Variants in BOC observed in about 807,000 individuals in gnomAD.
The protein encoded by BOC is BOC cell adhesion associated, oncogene regulated, also known as brother of CDO.
Under a neutral mutation model 112.0 loss-of-function variants are expected in BOC, and 76 were observed. The ratio of observed to expected loss-of-function variants is 0.68; its 90% CI spans 0.56 to 0.82. BOC has a LOEUF of 0.82. Ranked by LOEUF, BOC falls within the 40% of genes least tolerant of loss-of-function variation. BOC has a pLI of 0.00. For synonymous variants in BOC, 580 were observed against 599.8 expected, an observed-to-expected ratio of 0.97 and a Z score of 0.48; for missense variants, 1,309 against 1,511.7, an observed-to-expected ratio of 0.87 and a Z score of 2.22.
intron 4 of BOC, among the ~76,000 whole-genome samples, chr3:113,252,845 G>C (rs1393817016): frequency 6.6e-6 from 1 of 152,154 alleles, no homozygotes; most frequent in Non-Finnish European, 1.5e-5. Context: ...TGCTCAGGGA[G>C]GGAGGCAGGC....
At chr3:113,221,794 TTTGA>T (rs1408362150) in intron 2 of BOC, among the ~76,000 whole-genome samples, 2 of 152,208 alleles carry the variant, frequency 1.3e-5, no homozygotes, top group African/African-American at 2.4e-5. Context: ...TGGCTTCCTG[TTTGA>T]TTAAGAGAAA....
At chr3:113,280,152 C>A in intron 13 of BOC, 147 bp downstream of exon 13, 1 of 850,082 alleles carries the variant, frequency 1.2e-6, no homozygotes. Context: ...TGGAGCTGCT[C>A]TAGTGGTCTC....
Position 113,270,846 on chromosome 3 carries a change from C to A in BOC, c.569C>A (p.Ala190Asp). The A allele has an allele frequency of 6.2e-7, 1 of 1,613,936 alleles. No individual in the cohort carries two copies. Among genetic ancestry groups the A allele is most frequent in the Non-Finnish European group, 8.5e-7 (1 of 1,179,876 alleles). ...MPSGNLQIVNASQEDEGMYKC... is the reference protein window; with the variant it reads ...MPSGNLQIVNDSQEDEGMYKC... ...TCAGGGAACCTCCAGATTGTGAATG[C>A]CAGCCAGGAGGACGAGGGCATGTAC... is the stretch of plus-strand genomic sequence containing the variant. Residue 190 changes from alanine to aspartate, a missense_variant, in exon 6 of 20, where the codon GCC becomes GAC. Physicochemically the swap from Ala to Asp is moderately radical, Grantham distance 126. Coordinates refer to ENST00000682979, the MANE Select transcript of BOC (RefSeq NM_001378074.1).
rs11920641 is a variant in BOC, at chr3:113,237,170, A to G, written c.-81-12552A>G. 9.6e-4 allele frequency among the ~76,000 whole-genome samples: 146 copies of G among 152,346 alleles called. 1 individual carries two copies. Among genetic ancestry groups the G allele is most frequent in the African/African-American group, 3.2e-3 (134 of 41,576 alleles). On this transcript the variant is annotated intron_variant, in intron 2 of 19. Transcript: ENST00000682979. Reference sequence around the variant, plus strand: ...ACATCAGGAAGGGTTTTGATAACATATAAAATGGAGCTAGGAACACTCTCT... The same window carrying G: ...ACATCAGGAAGGGTTTTGATAACATGTAAAATGGAGCTAGGAACACTCTCT...
intron 4 of BOC, among the ~76,000 whole-genome samples, chr3:113,263,407 T>C (rs1005183757): frequency 6.6e-6 from 1 of 152,218 alleles, no homozygotes; most frequent in African/African-American, 2.4e-5. Flanking sequence ...GCAGAGCTCA[T>C]GGATATGGGG....
Position 113,272,729 on chromosome 3 carries a change from CT to C in BOC, c.961+27del, listed in dbSNP as rs772713163. On this transcript the variant is annotated intron_variant, in intron 7 of 19. Coordinates refer to ENST00000682979, the MANE Select transcript of BOC (RefSeq NM_001378074.1). ...GTGAGTGTCTGCTGTGGACTGTCTT[CT>C]GCTTGGCCTTCTCTCTGGTCTGTGC... The C allele has an allele frequency of 3.1e-6, 5 of 1,608,704 alleles. No homozygotes were observed. In the East Asian group the frequency reaches 1.1e-4, roughly 36 times the overall value.
chr3:113,265,075 C>T (rs550815688), intron 4 of BOC, among the ~76,000 whole-genome samples: 1 of 152,334 alleles, frequency 6.6e-6, no homozygotes, highest in East Asian at 1.9e-4. Context: ...AACTGAGCAG[C>T]TGTCAGAGGG....
intron 4 of BOC, among the ~76,000 whole-genome samples, chr3:113,267,736 T>C (rs1947645539): frequency 6.6e-6 from 1 of 151,690 alleles, no homozygotes; most frequent in Non-Finnish European, 1.5e-5. Context: ...AAGGCTGTTC[T>C]TTTTTTTTGA....
At chr3:113,251,123 C>T (rs1576415558) in intron 4 of BOC, 1 of 586,522 alleles carries the variant, frequency 1.7e-6, no homozygotes, top group Non-Finnish European at 3.0e-6. Context: ...GTTCCGTGGG[C>T]CCCAGAGCAG....
intron 4 of BOC, among the ~76,000 whole-genome samples, chr3:113,257,638 A>T (rs1210032918): frequency 1.4e-5 from 2 of 143,272 alleles, no homozygotes; most frequent in Non-Finnish European, 2.9e-5. Flanking sequence ...GCAAGCAAGA[A>T]CTCAATTAAT....
rs5851892 is a variant in BOC at position 113,286,906 on chromosome 3, TAA to T, written c.*54_*55del. 6.1e-3 allele frequency: 7,632 copies of T among 1,252,734 alleles called. 86 individuals carry two copies. The highest frequency in any genetic ancestry group is 0.048 in the African/African-American group (2,984 of 62,812). 77.6% of individuals were successfully genotyped at this position (1,252,734 alleles called of 1,614,324 possible). ...GAAAGACTATATATTGTTTTTTTTT[TAA>T]AAAAAAAAAGAAGAAAAAAGAGACA... On this transcript the variant is annotated 3_prime_UTR_variant, in exon 20 of 20. Coordinates refer to ENST00000682979, the MANE Select transcript of BOC (RefSeq NM_001378074.1).
In BOC at chr3:113,281,169, T is replaced by G. The variant is rs2107728200; in HGVS notation, c.2434+16T>G. 1 of 1,613,682 alleles carries G rather than the reference T, an allele frequency of 6.2e-7. No individual in the cohort carries two copies. The highest frequency in any genetic ancestry group is 1.7e-5 in the Admixed American group (1 of 59,998). On this transcript the variant is annotated intron_variant, in intron 15 of 19. Coordinates refer to ENST00000682979, the MANE Select transcript of BOC (RefSeq NM_001378074.1). ...GAGACCAAAGGTGAAGCTCTTTGGG[T>G]TCTCTCTCCTGTCTTGGTGTTTCCA...
At chr3:113,284,980 C>T in intron 18 of BOC, 122 bp downstream of exon 18, 1 of 830,938 alleles carries the variant, frequency 1.2e-6, no homozygotes, top group Non-Finnish European at 2.0e-6. Context: ...GTCCCCGTGA[C>T]TGACAATCAT....
chr3:113,287,136 T>A lies in BOC; in HGVS notation c.*274T>A. The A allele has an allele frequency of 2.2e-6, 1 of 462,304 alleles. No individual in the cohort carries two copies. Among genetic ancestry groups the A allele is most frequent in the Non-Finnish European group, 4.2e-6 (1 of 240,188 alleles). The allele number at this position is 462,304 out of a possible 1,614,324, so 28.6% of individuals were successfully genotyped here. ...GCTGGCGCGGGACAGACTCCTAACC[T>A]GGGGCCTCTGCAGTGGCAGGCGAGG... On this transcript the variant is annotated 3_prime_UTR_variant, in exon 20 of 20. Transcript: ENST00000682979.
chr3:113,262,088 A>G (rs1946951950), intron 4 of BOC: 1 of 152,050 alleles, frequency 6.6e-6, no homozygotes, highest in African/African-American at 2.4e-5. Context: ...TCATGTTTCC[A>G]TGGTTGTCAG....
chr3:113,227,795 A>G (rs1245290095), intron 2 of BOC, among the ~76,000 whole-genome samples: 1 of 152,212 alleles, frequency 6.6e-6, no homozygotes, highest in Non-Finnish European at 1.5e-5. Context: ...CTATAAAAGC[A>G]CAAAGAATAG....
chr3:113,250,130 A>G (rs975405355), intron 3 of BOC, among the ~76,000 whole-genome samples: 32 of 152,238 alleles, frequency 2.1e-4, no homozygotes, highest in African/African-American at 7.5e-4. Context: ...GAGGAGAAGT[A>G]ATAATAATAA....
intron 4 of BOC, among the ~76,000 whole-genome samples, chr3:113,252,356 C>CCATCAT (rs368400591): frequency 3.3e-5 from 5 of 152,078 alleles, no homozygotes; most frequent in Non-Finnish European, 2.9e-5. Context: ...ATCCATGTCA[C>CCATCAT]CATCATCATC....
intron 4 of BOC, chr3:113,251,118 G>A (rs947050416): frequency 3.7e-5 from 22 of 588,658 alleles, no homozygotes; most frequent in African/African-American, 9.3e-5. Flanking sequence ...GAACTGTTCC[G>A]TGGGCCCCAG....
Sources: gnomAD v4.1 joint callset for allele counts (sites outside exome capture counted in the v4.1 genomes callset) on GRCh38, gnomAD v4.1.1 for gene constraint, MANE v1.5 for transcripts, NCBI Gene and HGNC (gene_info 2026-07-23, HGNC 2026-07-21) for gene names.